Variants in CADM2 observed in about 807,000 individuals in gnomAD.
CADM2 encodes the protein immunoglobulin superfamily member 4D.
A neutral mutation model predicts 49.8 loss-of-function variants in CADM2; 12 were observed. The ratio of observed to expected loss-of-function variants is 0.24; its 90% CI spans 0.15 to 0.39. The LOEUF (loss-of-function observed/expected upper bound fraction) is 0.39. Ranked by LOEUF, CADM2 falls within the 10% of genes least tolerant of loss-of-function variation. The pLI is 1.00. For synonymous variants in CADM2, 214 were observed against 175.4 expected, an observed-to-expected ratio of 1.22 and a Z score of -1.74; for missense variants, 378 against 492.3, an observed-to-expected ratio of 0.77 and a Z score of 2.20.
intron 1 of CADM2, among the ~76,000 whole-genome samples, chr3:85,107,657 T>TTC (rs1482913449): frequency 4.3e-4 from 65 of 149,440 alleles, no homozygotes; most frequent in South Asian, 1.7e-3. Context: ...CTTTCTTTCT[T>TTC]TTTTTCCTTC....
intron 1 of CADM2, among the ~76,000 whole-genome samples, chr3:85,403,727 T>A (rs557619638): frequency 1.3e-5 from 2 of 152,142 alleles, no homozygotes; most frequent in African/African-American, 2.4e-5. Flanking sequence ...TATGGGTTTT[T>A]AGATTTCAAA....
intron 1 of CADM2, among the ~76,000 whole-genome samples, chr3:85,587,151 A>G (rs953461298): frequency 6.6e-5 from 10 of 152,084 alleles, no homozygotes; most frequent in African/African-American, 2.4e-4. Context: ...AGGACTGAAA[A>G]TATTTGTAGA....
chr3:85,405,845 A>C (rs1474870267), intron 1 of CADM2, among the ~76,000 whole-genome samples: 1 of 151,890 alleles, frequency 6.6e-6, no homozygotes, highest in Non-Finnish European at 1.5e-5. Flanking sequence ...CCTGACTTCC[A>C]ATAATATATG....
At chr3:85,398,457 A>G (rs1317917486) in intron 1 of CADM2, among the ~76,000 whole-genome samples, 1 of 152,202 alleles carries the variant, frequency 6.6e-6, no homozygotes, top group Admixed American at 6.5e-5. Flanking sequence ...ATAGTGCCGC[A>G]ATAAACATAC....
At chr3:85,569,281 CT>C (rs2062406908) in intron 1 of CADM2, among the ~76,000 whole-genome samples, 1 of 152,006 alleles carries the variant, frequency 6.6e-6, no homozygotes, top group Non-Finnish European at 1.5e-5. Flanking sequence ...CTATCAGCGG[CT>C]TGTTTCTTTT....
intron 1 of CADM2, among the ~76,000 whole-genome samples, chr3:85,294,643 A>G (rs1020651279): frequency 5.7e-4 from 87 of 151,862 alleles, no homozygotes; most frequent in Non-Finnish European, 1.1e-3. Flanking sequence ...CTGCATATCT[A>G]CAACTATCTG....
chr3:85,029,382 T>C (rs547266402), intron 1 of CADM2, among the ~76,000 whole-genome samples: 1 of 152,192 alleles, frequency 6.6e-6, no homozygotes, highest in Non-Finnish European at 1.5e-5. Context: ...GTAATAGTTA[T>C]TTCTTGAGAT....
rs1423088338 is a variant in CADM2 at position 85,761,976 on chromosome 3, G to C, written c.88+35428G>C. 4.6e-5 allele frequency among the ~76,000 whole-genome samples: 7 copies of C among 152,212 alleles called. No homozygotes were observed. The East Asian group carries it at 1.2e-3, about 25-fold the overall frequency. Reference sequence around the variant, plus strand: ...TGGTACACACCAACAGCCACTCCTTGTTTTGTTTTAAGTTAGGGATTTTAT... The same window carrying C: ...TGGTACACACCAACAGCCACTCCTTCTTTTGTTTTAAGTTAGGGATTTTAT... On this transcript the variant is annotated intron_variant, in intron 2 of 9. Transcript: ENST00000383699.
intron 7 of CADM2, among the ~76,000 whole-genome samples, chr3:85,956,599 A>T (rs2108601021): frequency 6.6e-6 from 1 of 151,600 alleles, no homozygotes; most frequent in East Asian, 2.0e-4. Context: ...GACTTACACA[A>T]CTATATCCTC....
chr3:86,066,447 A>G (rs1244448606), intron 9 of CADM2, among the ~76,000 whole-genome samples: 2 of 151,160 alleles, frequency 1.3e-5, no homozygotes, highest in African/African-American at 4.9e-5. Context: ...CTTATTACCC[A>G]TTTCAGTTTG....
At chr3:85,959,146 A>ATCTC (rs1157977118) in intron 7 of CADM2, among the ~76,000 whole-genome samples, 1,152 of 71,956 alleles carry the variant, frequency 0.016, 12 homozygotes, top group African/African-American at 0.076. Context: ...ATCTTTATCT[A>ATCTC]TCTATCTCTC....
At chr3:85,050,327 C>T (rs9869285) in intron 1 of CADM2, among the ~76,000 whole-genome samples, 13,798 of 151,938 alleles carry the variant, frequency 0.091, 1,155 homozygotes, top group Admixed American at 0.26. Flanking sequence ...TGTTGCACAG[C>T]TCTGACCTAA....
chr3:85,141,661 A>G (rs909967312), intron 1 of CADM2, among the ~76,000 whole-genome samples: 9 of 152,282 alleles, frequency 5.9e-5, no homozygotes, highest in African/African-American at 2.2e-4. Flanking sequence ...TAATTCTGGC[A>G]TTTTTTATGA....
intron 1 of CADM2, among the ~76,000 whole-genome samples, chr3:85,002,246 GT>G (rs1243973402): frequency 6.6e-6 from 1 of 151,952 alleles, no homozygotes; most frequent in East Asian, 1.9e-4. Flanking sequence ...TGGTTATTTT[GT>G]TTTTTCCCCA....
chr3:85,934,334 A>G (rs1720943826), intron 6 of CADM2, among the ~76,000 whole-genome samples: 1 of 152,056 alleles, frequency 6.6e-6, no homozygotes, highest in Non-Finnish European at 1.5e-5. Context: ...ATGAAATTAT[A>G]TGGTTATCCT....
At chr3:85,420,520 A>AAGG (rs2036123108) in intron 1 of CADM2, among the ~76,000 whole-genome samples, 1 of 152,218 alleles carries the variant, frequency 6.6e-6, no homozygotes, top group Admixed American at 6.5e-5. Flanking sequence ...TTATAGCCCC[A>AAGG]ACTACTCCTC....
chr3:85,196,765 T>C (rs2041354101), intron 1 of CADM2, among the ~76,000 whole-genome samples: 1 of 151,968 alleles, frequency 6.6e-6, no homozygotes, highest in African/African-American at 2.4e-5. Context: ...CACTAATCCA[T>C]ACATTGCAGC....
At chr3:85,432,917 A>G (rs1044976677) in intron 1 of CADM2, among the ~76,000 whole-genome samples, 1 of 152,058 alleles carries the variant, frequency 6.6e-6, no homozygotes, top group African/African-American at 2.4e-5. Flanking sequence ...GACACTACCT[A>G]AGAAAAAAAG....
At chr3:85,737,660 G>A (rs893952809) in intron 2 of CADM2, among the ~76,000 whole-genome samples, 1 of 150,850 alleles carries the variant, frequency 6.6e-6, no homozygotes, top group Non-Finnish European at 1.5e-5. Flanking sequence ...CAGGTTCATG[G>A]CATTCTCCTG....
Sources: gnomAD v4.1 joint callset for allele counts (sites outside exome capture counted in the v4.1 genomes callset) on GRCh38, gnomAD v4.1.1 for gene constraint, MANE v1.5 for transcripts, NCBI Gene and HGNC (gene_info 2026-07-23, HGNC 2026-07-21) for gene names.